Variants in UGGT1 observed in about 807,000 individuals in gnomAD.
UGGT1 encodes the protein UDP-glucose glycoprotein glucosyltransferase 1, also known as UDP-glucose:glycoprotein glucosyltransferase 1.
UGGT1 carries 107 observed loss-of-function variants against 203.9 expected under a neutral mutation model. That is an observed-to-expected ratio of 0.52 (90% CI 0.45 to 0.62). The LOEUF is 0.62. UGGT1 is among the 20% of genes least tolerant of loss of function. The pLI is 0.00. For missense variants in UGGT1, 1,673 were observed against 1,867.2 expected (o/e 0.90, Z 1.92); for synonymous variants, 628 against 653.5 (o/e 0.96, Z 0.59).
At position 128,192,519 on chromosome 2, in the gene UGGT1, A is replaced by G; in HGVS notation, c.*2777A>G. ...AATTATTTTCTCTCTCAATCATGCC[A>G]TAGTGGAGACTTTTGTTTGTGAGTA... On this transcript the variant is annotated 3_prime_UTR_variant, in exon 41 of 41. Transcript: ENST00000259253. The G allele has an allele frequency of 6.6e-6, 1 of 152,210 alleles. No individual in the cohort carries two copies. Among genetic ancestry groups the G allele is most frequent in the Non-Finnish European group, 1.5e-5 (1 of 68,044 alleles). 9.4% of individuals were successfully genotyped at this position (152,210 alleles called of 1,614,324 possible). A position where few individuals can be genotyped will look rare whatever the true frequency, so the allele number is the denominator to read the frequency against.
At chr2:128,137,597 G>A (rs1051387647) in intron 15 of UGGT1, among the ~76,000 whole-genome samples, 4 of 152,294 alleles carry the variant, frequency 2.6e-5, no homozygotes, top group Admixed American at 2.6e-4. Context: ...CATGGATTGT[G>A]CTTTTGGATC....
chr2:128,097,452 C>T lies in UGGT1; in HGVS notation c.82C>T (p.Leu28=). ...VTGVCYKMGV[L]VVLTVLWLFS... The stretch of plus-strand genomic sequence containing the variant: ...AGGAGTTTGCTATAAAATGGGAGTT[C>T]TGGTTGTACTCACTGTTCTGTGGCT... Residue 28 remains leucine (L), a synonymous_variant, in exon 2 of 41, where the codon CTG becomes TTG. Transcript: ENST00000259253. The T allele has an allele frequency of 6.2e-7, 1 of 1,612,382 alleles. No individual in the cohort carries two copies. The highest frequency in any genetic ancestry group is 8.5e-7 in the Non-Finnish European group (1 of 1,179,490).
chr2:128,153,411 A>G (rs190131058), intron 19 of UGGT1, among the ~76,000 whole-genome samples: 28 of 152,078 alleles, frequency 1.8e-4, no homozygotes, highest in African/African-American at 6.8e-4. Flanking sequence ...AATGAAAAAA[A>G]CCCCACAAAG....
intron 28 of UGGT1, among the ~76,000 whole-genome samples, chr2:128,171,670 G>A (rs1400212461): frequency 4.2e-4 from 64 of 152,178 alleles, no homozygotes; most frequent in Non-Finnish European, 1.6e-4. Flanking sequence ...ACCATGCCCA[G>A]CTAATTTTTG....
At chr2:128,149,916 C>G (rs962329242) in intron 18 of UGGT1, among the ~76,000 whole-genome samples, 1 of 152,078 alleles carries the variant, frequency 6.6e-6, no homozygotes, top group Non-Finnish European at 1.5e-5. Context: ...GAGCCAAGAT[C>G]GTGACATTGC....
intron 2 of UGGT1, among the ~76,000 whole-genome samples, chr2:128,103,488 G>A (rs1687472242): frequency 6.6e-6 from 1 of 152,016 alleles, no homozygotes; most frequent in Non-Finnish European, 1.5e-5. Flanking sequence ...TTTTTCTACG[G>A]TTCATATTTT....
intron 22 of UGGT1, among the ~76,000 whole-genome samples, chr2:128,157,765 A>T (rs1236826001): frequency 1.3e-5 from 2 of 152,150 alleles, no homozygotes; most frequent in Non-Finnish European, 2.9e-5. Context: ...GTAGATCCAG[A>T]TGCACTGAGG....
At chr2:128,106,010 G>A (rs542093555) in intron 3 of UGGT1, among the ~76,000 whole-genome samples, 1 of 152,108 alleles carries the variant, frequency 6.6e-6, no homozygotes, top group Admixed American at 6.5e-5. Flanking sequence ...GCACATGCTG[G>A]TCTCAAACTC....
At position 128,183,657 on chromosome 2, in the gene UGGT1, C is replaced by A. The variant is rs549584193; in HGVS notation, c.4245-18C>A. 1.3e-6 allele frequency: 2 copies of A among 1,584,534 alleles called. No homozygotes were observed. The highest frequency in any genetic ancestry group is 1.7e-6 in the Non-Finnish European group (2 of 1,154,296). On this transcript the variant is annotated intron_variant, in intron 37 of 40. Coordinates refer to ENST00000259253, the MANE Select transcript of UGGT1 (RefSeq NM_020120.4). The stretch of plus-strand genomic sequence containing the variant: ...GTAATCCATGGTTGGTTGTAACAAG[C>A]GGGTCTTCTTTATTCAGTGCACTAT...
At chr2:128,101,234 C>T (rs1285378363) in intron 2 of UGGT1, among the ~76,000 whole-genome samples, 1 of 152,170 alleles carries the variant, frequency 6.6e-6, no homozygotes, top group Non-Finnish European at 1.5e-5. Context: ...GTGGGAGACC[C>T]TGATGTTGGA....
intron 36 of UGGT1, 92 bp downstream of exon 36, chr2:128,181,164 A>G: frequency 2.5e-6 from 3 of 1,221,862 alleles, no homozygotes; most frequent in Admixed American, 2.3e-5. Context: ...ATGGAAAAGG[A>G]CATGCTTATT....
chr2:128,123,287 T>C (rs1302456754), intron 11 of UGGT1, 41 bp downstream of exon 11: 1 of 1,547,474 alleles, frequency 6.5e-7, no homozygotes, highest in African/African-American at 1.4e-5. Flanking sequence ...TTGTATTCTA[T>C]CTTTAAAGAT....
intron 25 of UGGT1, among the ~76,000 whole-genome samples, chr2:128,164,521 G>A (rs541474466): frequency 4.6e-5 from 7 of 152,200 alleles, no homozygotes; most frequent in African/African-American, 1.4e-4. Flanking sequence ...TGCAGCGTGG[G>A]TGCTGTCTCC....
At position 128,152,810 on chromosome 2, in the gene UGGT1, G is replaced by A. The variant is rs1239635937; in HGVS notation, c.2043G>A (p.Val681=). Residue 681 remains valine, a synonymous_variant, in exon 19 of 41, where the codon GTG becomes GTA. Coordinates refer to ENST00000259253, the MANE Select transcript of UGGT1 (RefSeq NM_020120.4). ...GTGAACTGCCCCATGATCAAGATGT[G>A]GTAGAGTATATCATGAATCAGCCAA... ...YLGELPHDQD[V]VEYIMNQPNV... is the part of the protein sequence containing the mutation. 1 of 1,613,010 alleles carries A rather than the reference G, an allele frequency of 6.2e-7. No homozygotes were observed. The highest frequency in any genetic ancestry group is 1.1e-5 in the South Asian group (1 of 90,838).
At chr2:128,103,807 A>G in intron 2 of UGGT1, 125 bp from the exon 3 acceptor site, 1 of 516,584 alleles carries the variant, frequency 1.9e-6, no homozygotes, top group Non-Finnish European at 3.3e-6. Flanking sequence ...AGTATTATAT[A>G]TTATAGATTA....
chr2:128,133,606 A>G (rs554361228), intron 14 of UGGT1, among the ~76,000 whole-genome samples: 36 of 152,268 alleles, frequency 2.4e-4, no homozygotes, highest in East Asian at 7.7e-4. Context: ...TCCAGATTGA[A>G]TAAGTTTCCT....
In UGGT1 at chr2:128,095,761, C is replaced by T. The variant is rs143683871; in HGVS notation, c.59-1668C>T. Among the ~76,000 whole-genome samples, 317 of 152,254 alleles carry T rather than the reference C, an allele frequency of 2.1e-3. 1 individual carries two copies. The highest frequency in any genetic ancestry group is 3.2e-3 in the Non-Finnish European group (219 of 68,018). On this transcript the variant is annotated intron_variant, in intron 1 of 40. Coordinates refer to ENST00000259253, the MANE Select transcript of UGGT1 (RefSeq NM_020120.4). ...TATAATTTATTTTGCTTTTGACCAT[C>T]GTTCTTCAGAGATACTGTATGTTCT...
intron 20 of UGGT1, among the ~76,000 whole-genome samples, 162 bp from the exon 21 acceptor site, chr2:128,156,230 G>A (rs1690218806): frequency 6.6e-6 from 1 of 152,204 alleles, no homozygotes; most frequent in South Asian, 2.1e-4. Flanking sequence ...TAAAGAAACT[G>A]TTTCTTAGGG....
chr2:128,183,887 G>A, intron 38 of UGGT1, 98 bp downstream of exon 38: 1 of 804,444 alleles, frequency 1.2e-6, no homozygotes, highest in South Asian at 1.6e-5. Context: ...TCTCCTCACA[G>A]GATGGCGTCT....
Sources: gnomAD v4.1 joint callset for allele counts (sites outside exome capture counted in the v4.1 genomes callset) on GRCh38, gnomAD v4.1.1 for gene constraint, MANE v1.5 for transcripts, NCBI Gene and HGNC (gene_info 2026-07-23, HGNC 2026-07-21) for gene names.